The following FOSL2 variants were observed in gnomAD, a reference collection of about 807,000 sequenced individuals.
FOSL2 encodes the protein fos-related antigen 2.
FOSL2 carries 3 observed loss-of-function variants against 27.7 expected under a neutral mutation model. The observed-to-expected ratio is 0.11, with a 90% CI of 0.05 to 0.28. FOSL2 has a LOEUF of 0.28. Among genes scored for constraint, FOSL2 ranks in the 10% least tolerant of loss-of-function variants. FOSL2 has a pLI of 1.00. For missense variants in FOSL2, 333 were observed against 445.1 expected, an observed-to-expected ratio of 0.75 and a Z score of 2.27; for synonymous variants, 179 against 190.1, an observed-to-expected ratio of 0.94 and a Z score of 0.48.
At chr2:28,409,898 G>T (rs1167783361) in intron 3 of FOSL2, among the ~76,000 whole-genome samples, 1 of 152,148 alleles carries the variant, frequency 6.6e-6, no homozygotes, top group Non-Finnish European at 1.5e-5. Context: ...CTGCCACCAT[G>T]CCCGGCTAAT....
chr2:28,395,511 C>T (rs1173797146), intron 1 of FOSL2: 1 of 152,206 alleles, frequency 6.6e-6, no homozygotes, highest in Non-Finnish European at 1.5e-5. Flanking sequence ...GCTTTGAGCC[C>T]AGGATGTGAG....
At chr2:28,402,512 G>A (rs187193554) in intron 1 of FOSL2, among the ~76,000 whole-genome samples, 3 of 152,372 alleles carry the variant, frequency 2.0e-5, no homozygotes, top group East Asian at 1.9e-4. Context: ...GACAATGGTG[G>A]TGCCAGCTTC....
rs1045640959 is a variant in FOSL2, at chr2:28,414,948, C to G, written c.*2500C>G. 2 of 152,198 alleles carry G rather than the reference C, an allele frequency of 1.3e-5. No homozygotes were observed. Among genetic ancestry groups the G allele is most frequent in the Admixed American group, 6.5e-5 (1 of 15,280 alleles). 9.4% of individuals were successfully genotyped at this position (152,198 alleles called of 1,614,324 possible). On this transcript the variant is annotated 3_prime_UTR_variant, in exon 4 of 4. Transcript: ENST00000264716. The stretch of plus-strand genomic sequence containing the variant: ...CAGAGGTGATTTGATTTGGGGAAGA[C>G]TGAATATTCACACCTAAGTCGTGAG...
Position 28,393,822 on chromosome 2 carries a change from G to T in FOSL2, c.102G>T (p.Gln34His). 1 of 1,590,792 alleles carries T rather than the reference G, an allele frequency of 6.3e-7. No homozygotes were observed. Among genetic ancestry groups the T allele is most frequent in the East Asian group, 2.3e-5 (1 of 43,336 alleles). Residue 34 changes from glutamine (Q) to histidine (H), a missense_variant and splice_region_variant, in exon 1 of 4, where the codon CAG (glutamine) becomes CAT (histidine). Gln to His is a conservative substitution (Grantham distance 24, BLOSUM62 0). Around this residue, in one of 4 missense-constraint regions of FOSL2, gnomAD observed 131 missense variants for 157.9 expected, o/e 0.83. Coordinates refer to ENST00000264716, the MANE Select transcript of FOSL2 (RefSeq NM_005253.4). This position sits in a 1 kb window ranked among gnomAD's most constrained non-coding sequence, Gnocchi z 4.6. ...ESYSSGGGGQ[Q>H]KFRVDMPGSG... ...ACTCCAGCGGCGGCGGCGGCCAGCA[G>T]GTAGGTGCGGGCCCCGGTGCACCTG...
intron 2 of FOSL2, among the ~76,000 whole-genome samples, chr2:28,406,513 G>A (rs534974801): frequency 1.3e-5 from 2 of 152,188 alleles, no homozygotes; most frequent in Non-Finnish European, 2.9e-5. Flanking sequence ...CCCTGTTAGA[G>A]TCTCACAGTG....
In FOSL2 at chr2:28,404,037, C is replaced by A; in HGVS notation, c.103-70C>A. 6.4e-7 allele frequency: 1 copy of A among 1,571,246 alleles called. No homozygotes were observed. Among genetic ancestry groups the A allele is most frequent in the East Asian group, 2.2e-5 (1 of 44,634 alleles). On this transcript the variant is annotated intron_variant, in intron 1 of 3. Transcript: ENST00000264716. This position sits in a 1 kb window ranked among gnomAD's most constrained non-coding sequence, Gnocchi z 4.7. Reference sequence around the variant, plus strand: ...TGCTGGTTTTTGCCTCAGCTCTGTTCAATTATTATTAACTATCCTGTTCAG... The same window carrying A: ...TGCTGGTTTTTGCCTCAGCTCTGTTAAATTATTATTAACTATCCTGTTCAG...
rs140670378 is a variant in FOSL2, at chr2:28,397,353, A to G, written c.102+3531A>G. On this transcript the variant is annotated intron_variant, in intron 1 of 3. Transcript: ENST00000264716. ...GCTTATATTAGGAGGGGGCTTGTTC[A>G]GTTGGTGGGAATGTGGGAGGCATAG... Among the ~76,000 whole-genome samples, 257 of 151,696 alleles carry G rather than the reference A, an allele frequency of 1.7e-3. 5 individuals carry two copies. In the East Asian group the frequency reaches 0.038, roughly 23 times the overall value.
Position 28,408,348 on chromosome 2 carries a change from A to C in FOSL2, c.355-411A>C, listed in dbSNP as rs1049130656. The stretch of plus-strand genomic sequence containing the variant: ...GGAGAAATTAGCCAGGGTTTGGAAG[A>C]AGCTGCTTAAGTGGGTGGGGCCACG... On this transcript the variant is annotated intron_variant, in intron 2 of 3. Coordinates refer to ENST00000264716, the MANE Select transcript of FOSL2 (RefSeq NM_005253.4). The surrounding 1 kb of genome is among the most constrained non-coding windows in gnomAD (Gnocchi z 4.1). 3.3e-5 allele frequency among the ~76,000 whole-genome samples: 5 copies of C among 152,184 alleles called. No homozygotes were observed. The highest frequency in any genetic ancestry group is 9.7e-5 in the African/African-American group (4 of 41,432).
chr2:28,402,698 G>T (rs1663997258), intron 1 of FOSL2, among the ~76,000 whole-genome samples: 1 of 152,192 alleles, frequency 6.6e-6, no homozygotes, highest in Admixed American at 6.5e-5. Context: ...TGAGGGCAGT[G>T]GGGGTGGATA....
At chr2:28,410,750 C>A (rs1168942040) in intron 3 of FOSL2, among the ~76,000 whole-genome samples, 1 of 152,226 alleles carries the variant, frequency 6.6e-6, no homozygotes, top group Non-Finnish European at 1.5e-5. Context: ...ACCCTGGCAT[C>A]CTCACAGGCC....
Position 28,392,995 on chromosome 2 carries a change from C to A in FOSL2, c.-726C>A. ...GAGGCGCGGCCGGGCGAGGCGGGCC[C>A]GTCCGGGAGCGGGCTCCGGGGAAGG... On this transcript the variant is annotated 5_prime_UTR_variant, in exon 1 of 4. Transcript: ENST00000264716. 1.6e-6 allele frequency: 1 copy of A among 636,004 alleles called. No homozygotes were observed. The highest frequency in any genetic ancestry group is 1.8e-5 in the African/African-American group (1 of 54,430). The allele number at this position is 636,004 out of a possible 1,614,324, so 39.4% of individuals were successfully genotyped here. A position where few individuals can be genotyped will look rare whatever the true frequency, so the allele number is the denominator to read the frequency against.
At position 28,412,105 on chromosome 2, in the gene FOSL2, G is replaced by A. The variant is rs758997365; in HGVS notation, c.638G>A (p.Gly213Asp). The A allele has an allele frequency of 6.2e-7, 1 of 1,606,346 alleles. No homozygotes were observed. The highest frequency in any genetic ancestry group is 8.5e-7 in the Non-Finnish European group (1 of 1,179,768). The change falls in exon 4 of 4, where the codon GGT (glycine) becomes GAT (aspartate). Residue 213 changes from glycine to aspartate, a missense_variant. By Grantham distance (94) the Gly-to-Asp change is moderately conservative (BLOSUM62 -1). Transcript: ENST00000264716. The surrounding 1 kb of genome is among the most constrained non-coding windows in gnomAD (Gnocchi z 7.1). ...GGGCTGCAGCCCATGCGCAGTGGGG[G>A]TGGCTCGGTGGGCGCTGTAGTGGTG... is the stretch of plus-strand genomic sequence containing the variant. ...APGLQPMRSG[G>D]GSVGAVVVKQ...
At chr2:28,411,149 CAA>C (rs113232380) in intron 3 of FOSL2, among the ~76,000 whole-genome samples, 17 of 105,990 alleles carry the variant, frequency 1.6e-4, no homozygotes, top group East Asian at 2.6e-4. Context: ...GACTCTGTCT[CAA>C]AAAAAAAAAA....
Position 28,411,910 on chromosome 2 carries a change from T to A in FOSL2, c.463-20T>A. On this transcript the variant is annotated intron_variant, in intron 3 of 3. Transcript: ENST00000264716. ...CCCTGGCAGGTTGCTGTCCCTCACATCCCTCTCTTTCCGTGGCAGGAGACA... is the reference window on the plus strand; with the variant it reads ...CCCTGGCAGGTTGCTGTCCCTCACAACCCTCTCTTTCCGTGGCAGGAGACA... 6.2e-7 allele frequency: 1 copy of A among 1,613,998 alleles called. No individual in the cohort carries two copies. Among genetic ancestry groups the A allele is most frequent in the South Asian group, 1.1e-5 (1 of 91,072 alleles).
intron 3 of FOSL2, among the ~76,000 whole-genome samples, chr2:28,411,073 G>A (rs927699420): frequency 1.3e-4 from 19 of 151,838 alleles, no homozygotes; most frequent in African/African-American, 3.9e-4. Context: ...GCTTGAACCC[G>A]GGAGGCAGAG....
rs904010113 is a variant in FOSL2 at position 28,413,239 on chromosome 2, C to T, written c.*791C>T. ...TGGGGCACAGGTTGGGTTTGCCAAACGCCTAATTACCAGGCCAGGAAGCAT... is the reference window on the plus strand; with the variant it reads ...TGGGGCACAGGTTGGGTTTGCCAAATGCCTAATTACCAGGCCAGGAAGCAT... On this transcript the variant is annotated 3_prime_UTR_variant, in exon 4 of 4. Transcript: ENST00000264716. 2.8e-5 allele frequency: 10 copies of T among 363,022 alleles called. No homozygotes were observed. Among genetic ancestry groups the T allele is most frequent in the Admixed American group, 1.9e-4 (4 of 21,376 alleles). The allele number at this position is 363,022 out of a possible 1,614,324, so 22.5% of individuals were successfully genotyped here.
rs767591603 is a variant in FOSL2, at chr2:28,412,256, C to T, written c.789C>T (p.Thr263=). The T allele has an allele frequency of 3.7e-6, 6 of 1,613,976 alleles. No homozygotes were observed. The South Asian group carries it at 5.5e-5, about 15-fold the overall frequency. ...GGFYGEEPLH[T]PIVVTSTPAV... ...TCTACGGTGAGGAGCCCCTGCACAC[C>T]CCCATCGTGGTGACCTCCACACCTG... The change falls in exon 4 of 4, where the codon ACC becomes ACT. Residue 263 remains threonine (T), a synonymous_variant. Coordinates refer to ENST00000264716, the MANE Select transcript of FOSL2 (RefSeq NM_005253.4). The surrounding 1 kb of genome is among the most constrained non-coding windows in gnomAD (Gnocchi z 7.1).
rs938611805 is a variant in FOSL2 at position 28,408,821 on chromosome 2, C to G, written c.417C>G (p.Ala139=). 1 of 1,612,022 alleles carries G rather than the reference C, an allele frequency of 6.2e-7. No individual in the cohort carries two copies. ...IRRERNKLAA[A]KCRNRRRELT... The stretch of plus-strand genomic sequence containing the variant: ...GGGAGAGGAACAAGCTGGCTGCAGC[C>G]AAGTGCCGGAACCGACGCCGGGAGC... The change falls in exon 3 of 4, where the codon GCC becomes GCG. Residue 139 remains alanine, a synonymous_variant. Transcript: ENST00000264716. The surrounding 1 kb of genome is among the most constrained non-coding windows in gnomAD (Gnocchi z 4.1).
chr2:28,414,207 C>T lies in FOSL2; in HGVS notation c.*1759C>T, dbSNP rs1210825306. ...CCCGTGGAGAAAGCAGTGACACATT[C>T]ACACAGCTGTTCCCTCGCATGTTAT... On this transcript the variant is annotated 3_prime_UTR_variant, in exon 4 of 4. Transcript: ENST00000264716. 5.3e-6 allele frequency: 1 copy of T among 189,722 alleles called. No homozygotes were observed. The highest frequency in any genetic ancestry group is 1.1e-5 in the Non-Finnish European group (1 of 92,920). 11.8% of individuals were successfully genotyped at this position (189,722 alleles called of 1,614,324 possible).
Sources: gnomAD v4.1 joint callset for allele counts (sites outside exome capture counted in the v4.1 genomes callset) on GRCh38, gnomAD v4.1.1 for gene constraint, gnomAD v4.1.1 regional missense constraint, Gnocchi (gnomAD v3.1) non-coding constraint, MANE v1.5 for transcripts, NCBI Gene and HGNC (gene_info 2026-07-23, HGNC 2026-07-21) for gene names.